EIF4G3: variants seen among roughly 807,000 people sequenced by gnomAD.
EIF4G3 encodes the protein eIF-4-gamma 3.
EIF4G3 carries 34 observed loss-of-function variants against 186.4 expected under a neutral mutation model. The observed-to-expected ratio is 0.18, with a 90% CI of 0.14 to 0.24. The LOEUF (loss-of-function observed/expected upper bound fraction) is 0.24. Ranked by LOEUF, EIF4G3 falls within the 10% of genes least tolerant of loss-of-function variation. EIF4G3 has a pLI of 1.00. For missense variants in EIF4G3, 1,536 were observed against 1,948.5 expected (o/e 0.79, Z 3.99); for synonymous variants, 673 against 679.5 (o/e 0.99, Z 0.15).
At position 20,996,077 on chromosome 1, in the gene EIF4G3, CTT is replaced by C. The variant is rs78294105; in HGVS notation, c.177+1522_177+1523del. ...GACTAAATTTTCAATTATAAACACT[CTT>C]TTACATAAGAAACTAATATTTTTAT... is the stretch of plus-strand genomic sequence containing the variant. On this transcript the variant is annotated intron_variant, in intron 7 of 36. Coordinates refer to ENST00000602326, the MANE Select transcript of EIF4G3 (RefSeq NM_001391906.1). Among the ~76,000 whole-genome samples, 4 of 152,274 alleles carry C rather than the reference CTT, an allele frequency of 2.6e-5. No individual in the cohort carries two copies. The East Asian group carries it at 7.7e-4, about 29-fold the overall frequency.
At position 20,942,174 on chromosome 1, in the gene EIF4G3, A is replaced by G; in HGVS notation, c.980T>C (p.Val327Ala). Residue 327 changes from valine (V) to alanine (A), a missense_variant, in exon 14 of 37, where the codon GTT becomes GCT. This residue lies in a region of EIF4G3 where 560 missense variants were observed against 547.8 expected (regional missense o/e 1.02). Coordinates refer to ENST00000602326, the MANE Select transcript of EIF4G3 (RefSeq NM_001391906.1). ...AATTGTACTTCGAGCAACAGAAGAA[A>G]CAGTGGTAGGTGATGGAGGCAGAGG... is the stretch of plus-strand genomic sequence containing the variant. Reference protein sequence around the residue: ...ELPLPPSPTTVSSVARSTIAA... With the variant: ...ELPLPPSPTTASSVARSTIAA... 1 of 1,614,154 alleles carries G rather than the reference A, an allele frequency of 6.2e-7. No homozygotes were observed. Among genetic ancestry groups the G allele is most frequent in the East Asian group, 2.2e-5 (1 of 44,872 alleles).
At chr1:21,170,404 C>T (rs1353389284) in intron 2 of EIF4G3, among the ~76,000 whole-genome samples, 1 of 152,044 alleles carries the variant, frequency 6.6e-6, no homozygotes, top group Admixed American at 6.6e-5. Flanking sequence ...GGTGTGGTGG[C>T]TCATGCCTGT....
intron 3 of EIF4G3, among the ~76,000 whole-genome samples, chr1:21,063,153 A>G (rs1013701000): frequency 3.9e-5 from 6 of 152,178 alleles, no homozygotes; most frequent in African/African-American, 1.4e-4. Flanking sequence ...TCCCAAGCTC[A>G]ATCAATCCTC....
rs370008534 is a variant in EIF4G3 at position 20,810,793 on chromosome 1, T to C, written c.4689A>G (p.Glu1563=). ...CTTGTAGTGCATAAAGTGCTTGCAG[T>C]TCCTTCTCTGTATCTGAGTCTAGGT... ...LKYLDSDTEK[E]LQALYALQAS... is the part of the protein sequence containing the mutation. The change falls in exon 36 of 37, where the codon GAA becomes GAG. Residue 1563 remains glutamate, a synonymous_variant. Transcript: ENST00000602326. The surrounding 1 kb of genome is among the most constrained non-coding windows in gnomAD (Gnocchi z 4.1). The C allele has an allele frequency of 6.2e-6, 10 of 1,614,044 alleles. No individual in the cohort carries two copies. The East Asian group carries it at 2.2e-4, about 36-fold the overall frequency.
At chr1:21,127,717 A>G (rs1228955234) in intron 2 of EIF4G3, among the ~76,000 whole-genome samples, 1 of 152,224 alleles carries the variant, frequency 6.6e-6, no homozygotes, top group Non-Finnish European at 1.5e-5. Flanking sequence ...ACTAATATTC[A>G]AGAAATTATC....
chr1:20,818,524 C>T (rs2061583349), intron 33 of EIF4G3, among the ~76,000 whole-genome samples: 1 of 152,022 alleles, frequency 6.6e-6, no homozygotes, highest in Non-Finnish European at 1.5e-5. Flanking sequence ...CGCCTGTGGT[C>T]CCAGCTACTC....
chr1:20,820,897 C>A (rs1451011775), intron 33 of EIF4G3, among the ~76,000 whole-genome samples: 1 of 152,064 alleles, frequency 6.6e-6, no homozygotes, highest in Non-Finnish European at 1.5e-5. Context: ...GAGCTATCCT[C>A]TCCAGAGCCT....
intron 15 of EIF4G3, among the ~76,000 whole-genome samples, chr1:20,904,004 G>C (rs985652110): frequency 1.4e-4 from 21 of 152,180 alleles, no homozygotes; most frequent in Admixed American, 4.6e-4. Context: ...AGGATGTTGA[G>C]ATTACAGACA....
intron 14 of EIF4G3, among the ~76,000 whole-genome samples, chr1:20,937,375 T>C (rs2095551269): frequency 6.6e-6 from 1 of 152,182 alleles, no homozygotes; most frequent in Non-Finnish European, 1.5e-5. Flanking sequence ...CTAACAAACA[T>C]TAAACCCAGA....
intron 33 of EIF4G3, among the ~76,000 whole-genome samples, chr1:20,823,889 A>G (rs879347652): frequency 1.3e-5 from 2 of 152,170 alleles, no homozygotes; most frequent in Non-Finnish European, 2.9e-5. Context: ...GTCAACTCAT[A>G]TATTTAAATA....
intron 2 of EIF4G3, chr1:21,111,251 T>C (rs2096720569): frequency 8.5e-6 from 4 of 468,104 alleles, no homozygotes; most frequent in South Asian, 4.7e-5. Context: ...AGTGGCACTC[T>C]ACGAAGGCAT....
intron 18 of EIF4G3, among the ~76,000 whole-genome samples, chr1:20,891,110 G>A (rs1482887429): frequency 1.3e-5 from 2 of 152,198 alleles, no homozygotes; most frequent in Non-Finnish European, 2.9e-5. Context: ...GGTATACAGA[G>A]GAGTGGTATA....
At chr1:21,025,447 GA>G (rs1000525709) in intron 4 of EIF4G3, among the ~76,000 whole-genome samples, 6 of 146,984 alleles carry the variant, frequency 4.1e-5, no homozygotes, top group South Asian at 2.2e-4. Context: ...GATCTCGACA[GA>G]AAAAAAAAAG....
In EIF4G3 at chr1:21,084,699, G is replaced by GT. The variant is rs372395820; in HGVS notation, c.-196+4438dup. The stretch of plus-strand genomic sequence containing the variant: ...CACTGATGTTCCTTCTACCACAAAT[G>GT]TTTTTTTTTTCCTAGAAATCTTCAG... On this transcript the variant is annotated intron_variant, in intron 3 of 36. Coordinates refer to ENST00000602326, the MANE Select transcript of EIF4G3 (RefSeq NM_001391906.1). Among the ~76,000 whole-genome samples, 465 of 148,836 alleles carry GT rather than the reference G, an allele frequency of 3.1e-3. 1 individual carries two copies. The highest frequency in any genetic ancestry group is 0.011 in the African/African-American group (428 of 40,604).
chr1:21,023,721 C>A (rs1052345783), intron 4 of EIF4G3, among the ~76,000 whole-genome samples: 3 of 150,192 alleles, frequency 2.0e-5, no homozygotes, highest in African/African-American at 7.3e-5. Context: ...GGCCGCCCAT[C>A]GTCTGGGATG....
intron 2 of EIF4G3, among the ~76,000 whole-genome samples, chr1:21,095,548 A>C (rs1013589928): frequency 6.6e-6 from 1 of 152,138 alleles, no homozygotes; most frequent in Non-Finnish European, 1.5e-5. Flanking sequence ...CCTGGGCTCA[A>C]GCAATCCTCT....
chr1:20,812,757 T>C (rs10799664), intron 35 of EIF4G3, among the ~76,000 whole-genome samples: 3,970 of 152,348 alleles, frequency 0.026, 169 homozygotes, highest in African/African-American at 0.089. Flanking sequence ...TTCATGTATG[T>C]ACTTATATAA....
chr1:20,884,321 A>ACTGGACTAT (rs1202334880), intron 19 of EIF4G3, among the ~76,000 whole-genome samples: 2 of 152,228 alleles, frequency 1.3e-5, no homozygotes, highest in African/African-American at 2.4e-5. Context: ...AGTTATAACA[A>ACTGGACTAT]CTGGACTATT....
chr1:20,895,532 T>G (rs1420861291), intron 16 of EIF4G3, 31 bp from the exon 17 acceptor site: 1 of 1,610,190 alleles, frequency 6.2e-7, no homozygotes, highest in African/African-American at 1.3e-5. Flanking sequence ...AGACACTGTT[T>G]GTAGGGCATT....
Sources: allele counts gnomAD v4.1 joint callset (sites outside exome capture counted in the v4.1 genomes callset), GRCh38; gene constraint gnomAD v4.1.1; regional missense constraint gnomAD v4.1.1; non-coding constraint Gnocchi (gnomAD v3.1); transcripts MANE v1.5; gene names NCBI Gene and HGNC (gene_info 2026-07-23, HGNC 2026-07-21).